The following ELL2 variants were observed in gnomAD, a reference collection of about 807,000 sequenced individuals.
The protein encoded by ELL2 is RNA polymerase II elongation factor ELL2.
A neutral mutation model predicts 72.8 loss-of-function variants in ELL2; 21 were observed. The ratio of observed to expected loss-of-function variants is 0.29; its 90% confidence interval spans 0.20 to 0.42. The LOEUF (loss-of-function observed/expected upper bound fraction) is 0.42. ELL2 is among the 10% of genes least tolerant of loss of function. The pLI is 1.00. For missense variants in ELL2, 568 were observed against 772.8 expected (o/e 0.73, Z 3.14); for synonymous variants, 266 against 283.2 (o/e 0.94, Z 0.61).
At chr5:95,907,296 A>ATTTTTTTT (rs1211663802) in intron 4 of ELL2, among the ~76,000 whole-genome samples, 7 of 116,522 alleles carry the variant, frequency 6.0e-5, no homozygotes, top group African/African-American at 1.6e-4. Flanking sequence ...ATATATATAT[A>ATTTTTTTT]TTTTTTTTTT....
At chr5:95,907,296 A>ATATATATTTTTTTTTTTTTTT in intron 4 of ELL2, among the ~76,000 whole-genome samples, 1 of 116,522 alleles carries the variant, frequency 8.6e-6, no homozygotes, top group African/African-American at 4.1e-5. Context: ...ATATATATAT[A>ATATATATTTTTTTTTTTTTTT]TTTTTTTTTT....
chr5:95,940,469 A>C (rs1750930822), intron 2 of ELL2, among the ~76,000 whole-genome samples: 2 of 152,352 alleles, frequency 1.3e-5, no homozygotes, highest in South Asian at 2.1e-4. Context: ...AATTAGTAAC[A>C]AGGAAGAGTA....
chr5:95,894,448 A>C (rs1433007033), intron 9 of ELL2, among the ~76,000 whole-genome samples: 1 of 152,242 alleles, frequency 6.6e-6, no homozygotes, highest in African/African-American at 2.4e-5. Flanking sequence ...ACATTTAAAG[A>C]CTTCTAAGGA....
At chr5:95,913,514 TCC>T in intron 4 of ELL2, 1 of 320,934 alleles carries the variant, frequency 3.1e-6, no homozygotes, top group South Asian at 6.2e-5. Context: ...TGTGACCAGA[TCC>T]CAGTACTATA....
intron 3 of ELL2, 145 bp from the exon 4 acceptor site, chr5:95,914,079 T>C: frequency 1.5e-6 from 1 of 649,544 alleles, no homozygotes; most frequent in Non-Finnish European, 2.3e-6. Flanking sequence ...ATGTAAATGC[T>C]ATTTAAAATA....
chr5:95,893,447 C>G (rs1748741651), intron 9 of ELL2, among the ~76,000 whole-genome samples: 1 of 152,094 alleles, frequency 6.6e-6, no homozygotes, highest in Non-Finnish European at 1.5e-5. Flanking sequence ...TGCAGTGGCA[C>G]CATCTTGGCT....
At chr5:95,899,958 T>G (rs185411648) in intron 7 of ELL2, among the ~76,000 whole-genome samples, 1 of 152,288 alleles carries the variant, frequency 6.6e-6, no homozygotes, top group Non-Finnish European at 1.5e-5. Flanking sequence ...TCTCCACACA[T>G]CTGTGGGCTT....
chr5:95,951,580 C>T (rs1266168767), intron 1 of ELL2, among the ~76,000 whole-genome samples: 1 of 151,644 alleles, frequency 6.6e-6, no homozygotes, highest in East Asian at 1.9e-4. Context: ...GTAAAATAAG[C>T]TTAGATTGGA....
At chr5:95,911,196 G>A (rs1038000073) in intron 4 of ELL2, among the ~76,000 whole-genome samples, 4 of 151,848 alleles carry the variant, frequency 2.6e-5, no homozygotes, top group Admixed American at 1.3e-4. Flanking sequence ...CAATATATGA[G>A]AAAGAGCTGG....
intron 4 of ELL2, among the ~76,000 whole-genome samples, chr5:95,910,953 G>C (rs1749567732): frequency 6.6e-6 from 1 of 152,140 alleles, no homozygotes; most frequent in Admixed American, 6.5e-5. Flanking sequence ...CCAACAATTT[G>C]GTATGTAAAA....
intron 2 of ELL2, among the ~76,000 whole-genome samples, chr5:95,931,394 C>T (rs1750594716): frequency 6.6e-6 from 1 of 152,120 alleles, no homozygotes; most frequent in Admixed American, 6.6e-5. Context: ...GGAGCTCCCA[C>T]TCCAATTCTG....
At chr5:95,931,971 T>C (rs1351306879) in intron 2 of ELL2, among the ~76,000 whole-genome samples, 2 of 135,420 alleles carry the variant, frequency 1.5e-5, no homozygotes, top group African/African-American at 5.9e-5. Context: ...TTAAAGTCTG[T>C]GGGGGTGTTT....
intron 1 of ELL2, among the ~76,000 whole-genome samples, chr5:95,951,931 T>C (rs1035783423): frequency 6.6e-6 from 1 of 152,204 alleles, no homozygotes; most frequent in Non-Finnish European, 1.5e-5. Flanking sequence ...TGCTAGTCAA[T>C]TTCTAGGCAA....
intron 2 of ELL2, among the ~76,000 whole-genome samples, chr5:95,940,974 G>A (rs141243576): frequency 1.9e-4 from 29 of 152,080 alleles, no homozygotes; most frequent in African/African-American, 6.0e-4. Flanking sequence ...AAAAAGAAGG[G>A]GGGGAGGGGT....
chr5:95,930,376 T>C (rs972206783), intron 2 of ELL2, among the ~76,000 whole-genome samples: 10 of 152,212 alleles, frequency 6.6e-5, no homozygotes, highest in Non-Finnish European at 1.5e-4. Flanking sequence ...GACTGGTATT[T>C]GACACCTGCA....
In ELL2 at chr5:95,919,327, G is replaced by T. The variant is rs947463799; in HGVS notation, c.317+97C>A. On this transcript the variant is annotated intron_variant, in intron 3 of 11. Coordinates refer to ENST00000237853, the MANE Select transcript of ELL2 (RefSeq NM_012081.6). The stretch of plus-strand genomic sequence containing the variant: ...AGCTCTGTAATTCAATTTAATACAC[G>T]TTTATGGATGAATATTATGTATTGT... The T allele has an allele frequency of 5.7e-6, 8 of 1,395,898 alleles. No individual in the cohort carries two copies. The Admixed American group carries it at 1.4e-4, about 24-fold the overall frequency. 86.5% of individuals were successfully genotyped at this position (1,395,898 alleles called of 1,614,324 possible). A position where few individuals can be genotyped will look rare whatever the true frequency, so the allele number is the denominator to read the frequency against.
Position 95,885,251 on chromosome 5 carries a change from A to G in ELL2, c.*3620T>C, listed in dbSNP as rs1360691734. The G allele has an allele frequency of 2.0e-5, 3 of 152,164 alleles. No individual in the cohort carries two copies. The highest frequency in any genetic ancestry group is 2.0e-4 in the Admixed American group (3 of 15,274). 9.4% of individuals were successfully genotyped at this position (152,164 alleles called of 1,614,324 possible). On this transcript the variant is annotated 3_prime_UTR_variant, in exon 12 of 12. Transcript: ENST00000237853. Reference sequence around the variant, plus strand: ...GGAACAGCTGAGAAACAGCATATATATATTTTAACACCTCAAAATAGTTTG... The same window carrying G: ...GGAACAGCTGAGAAACAGCATATATGTATTTTAACACCTCAAAATAGTTTG...
intron 3 of ELL2, 76 bp from the exon 4 acceptor site, chr5:95,914,010 C>T (rs1427592808): frequency 7.4e-7 from 1 of 1,358,512 alleles, no homozygotes; most frequent in African/African-American, 1.5e-5. Context: ...ATTATATAAT[C>T]CTAAAATCAG....
rs1425822853 is a variant in ELL2, at chr5:95,887,829, ACATTT to A, written c.*1037_*1041del. ...AGCAGTATATAAATAGGTTACCTAC[ACATTT>A]CATTTTATAATTTTGTCCCAAAACT... On this transcript the variant is annotated 3_prime_UTR_variant, in exon 12 of 12. Transcript: ENST00000237853. 8.5e-5 allele frequency: 13 copies of A among 152,476 alleles called. No homozygotes were observed. Among genetic ancestry groups the A allele is most frequent in the Admixed American group, 1.3e-4 (2 of 15,278 alleles). The allele number at this position is 152,476 out of a possible 1,614,324, so 9.4% of individuals were successfully genotyped here. A position where few individuals can be genotyped will look rare whatever the true frequency, so the allele number is the denominator to read the frequency against.
Sources: gnomAD v4.1 joint callset for allele counts (sites outside exome capture counted in the v4.1 genomes callset) on GRCh38, gnomAD v4.1.1 for gene constraint, MANE v1.5 for transcripts, NCBI Gene and HGNC (gene_info 2026-07-23, HGNC 2026-07-21) for gene names.